AGBL1: variants seen among roughly 807,000 people sequenced by gnomAD.
AGBL1 encodes AGBL carboxypeptidase 1, also known as cytosolic carboxypeptidase 4.
A neutral mutation model predicts 118.9 loss-of-function variants in AGBL1; 130 were observed. The ratio of observed to expected loss-of-function variants is 1.09; its 90% CI spans 0.95 to 1.26. AGBL1 has a LOEUF of 1.26. AGBL1 is among the 50% of genes most tolerant of loss of function. AGBL1 has a pLI of 0.00. For synonymous variants in AGBL1, 555 were observed against 478.9 expected (o/e 1.16, Z -2.08); for missense variants, 1,584 against 1,298.1 (o/e 1.22, Z -3.38).
At chr15:86,754,477 G>A (rs915857983) in intron 22 of AGBL1, among the ~76,000 whole-genome samples, 1 of 152,088 alleles carries the variant, frequency 6.6e-6, no homozygotes, top group Non-Finnish European at 1.5e-5. Flanking sequence ...AGGATTGAGA[G>A]TTGTGCATGG....
intron 18 of AGBL1, among the ~76,000 whole-genome samples, chr15:86,512,279 T>A (rs935492760): frequency 1.1e-4 from 16 of 152,092 alleles, no homozygotes; most frequent in Middle Eastern, 3.4e-3. Context: ...TTATCTGGGT[T>A]TTTTCTAATA....
At chr15:86,366,232 G>C (rs918683722) in intron 17 of AGBL1, among the ~76,000 whole-genome samples, 1 of 152,120 alleles carries the variant, frequency 6.6e-6, no homozygotes, top group Non-Finnish European at 1.5e-5. Context: ...AGGAGTCTGA[G>C]ACAATGGCTG....
intron 18 of AGBL1, among the ~76,000 whole-genome samples, chr15:86,521,061 C>G (rs544574643): frequency 6.6e-6 from 1 of 152,154 alleles, no homozygotes; most frequent in African/African-American, 2.4e-5. Flanking sequence ...GGAACATGCA[C>G]AAGACCTACC....
chr15:86,590,311 T>C (rs2084316465), intron 21 of AGBL1, among the ~76,000 whole-genome samples: 1 of 152,014 alleles, frequency 6.6e-6, no homozygotes, highest in Non-Finnish European at 1.5e-5. Flanking sequence ...CTGTGGGAGG[T>C]AATTGAGTCA....
intron 24 of AGBL1, among the ~76,000 whole-genome samples, chr15:87,002,012 G>A (rs1367301628): frequency 6.6e-6 from 1 of 151,964 alleles, no homozygotes; most frequent in Non-Finnish European, 1.5e-5. Flanking sequence ...TTTGGCTTTG[G>A]TTGCCATTGC....
intron 1 of AGBL1, among the ~76,000 whole-genome samples, chr15:86,103,672 G>A (rs912141610): frequency 1.3e-5 from 2 of 152,202 alleles, no homozygotes; most frequent in African/African-American, 2.4e-5. Context: ...GTTGTTAGTG[G>A]AGGCTGTGGT....
At chr15:86,737,805 C>T (rs910051616) in intron 22 of AGBL1, among the ~76,000 whole-genome samples, 2 of 152,116 alleles carry the variant, frequency 1.3e-5, no homozygotes, top group African/African-American at 4.8e-5. Flanking sequence ...TTGTCAAAAG[C>T]ATTTGGTGTA....
At chr15:86,705,020 A>C (rs958467883) in intron 22 of AGBL1, among the ~76,000 whole-genome samples, 2 of 152,172 alleles carry the variant, frequency 1.3e-5, no homozygotes, top group Non-Finnish European at 2.9e-5. Context: ...TTCTCAGCAA[A>C]CTAACACAGG....
rs1401400044 is a variant in AGBL1, at chr15:86,907,728, G to A, written c.*434G>A. ...CCATATACAAGTGTTATCTTCCAAT[G>A]TTATCTCCCCACCATAGCATTTGAG... On this transcript the variant is annotated 3_prime_UTR_variant, in exon 23 of 23. Transcript: ENST00000614907. The A allele has an allele frequency of 6.6e-6, 1 of 152,156 alleles. No individual in the cohort carries two copies. The highest frequency in any genetic ancestry group is 1.5e-5 in the Non-Finnish European group (1 of 68,034). 9.4% of individuals were successfully genotyped at this position (152,156 alleles called of 1,614,324 possible).
At chr15:86,473,875 T>C (rs1373026543) in intron 18 of AGBL1, among the ~76,000 whole-genome samples, 1 of 152,168 alleles carries the variant, frequency 6.6e-6, no homozygotes, top group Non-Finnish European at 1.5e-5. Context: ...TCCTTGTTTT[T>C]GATAAATTGT....
chr15:86,138,766 A>C (rs2076922364), intron 1 of AGBL1, among the ~76,000 whole-genome samples: 1 of 151,840 alleles, frequency 6.6e-6, no homozygotes, highest in Non-Finnish European at 1.5e-5. Flanking sequence ...TGACTTCAGC[A>C]TTTTAAAATT....
At chr15:86,477,665 T>G (rs955315940) in intron 18 of AGBL1, among the ~76,000 whole-genome samples, 47 of 152,318 alleles carry the variant, frequency 3.1e-4, no homozygotes, top group African/African-American at 1.1e-3. Context: ...AACGAGGAGC[T>G]GGTAACATTC....
chr15:86,323,025 C>G lies in AGBL1; in HGVS notation c.2374+27617C>G, dbSNP rs1019267093. On this transcript the variant is annotated intron_variant, in intron 17 of 22. Coordinates refer to ENST00000614907, the MANE Select transcript of AGBL1 (RefSeq NM_001386094.1). ...CCTGGGATCTGTGGAGTTGTCAAAC[C>G]AAAACTCAAAATCTCTAGGGGTTGG... Among the ~76,000 whole-genome samples, 4 of 152,040 alleles carry G rather than the reference C, an allele frequency of 2.6e-5. No individual in the cohort carries two copies. The East Asian group carries it at 7.7e-4, about 29-fold the overall frequency.
intron 5 of AGBL1, among the ~76,000 whole-genome samples, chr15:86,196,291 G>C (rs1165178965): frequency 2.6e-5 from 4 of 152,136 alleles, no homozygotes; most frequent in Admixed American, 1.3e-4. Context: ...GGCATCACAG[G>C]CTTAGTTTTT....
At chr15:86,228,577 G>A (rs2141941699) in intron 6 of AGBL1, among the ~76,000 whole-genome samples, 1 of 152,302 alleles carries the variant, frequency 6.6e-6, no homozygotes. Context: ...GCCCTATCAA[G>A]TAGTGACAGG....
chr15:86,275,702 C>G (rs1016132203), intron 15 of AGBL1, among the ~76,000 whole-genome samples: 1 of 152,140 alleles, frequency 6.6e-6, no homozygotes, highest in African/African-American at 2.4e-5. Context: ...AAACAAAAAG[C>G]CTTTTAGCTG....
chr15:86,923,761 C>A (rs1343652257), intron 23 of AGBL1, among the ~76,000 whole-genome samples: 2 of 152,162 alleles, frequency 1.3e-5, no homozygotes, highest in Non-Finnish European at 2.9e-5. Context: ...ACAAAATGCT[C>A]CCTATAAAAC....
intron 16 of AGBL1, among the ~76,000 whole-genome samples, chr15:86,291,977 A>G (rs1241908837): frequency 6.6e-6 from 1 of 152,176 alleles, no homozygotes; most frequent in Non-Finnish European, 1.5e-5. Context: ...TAATTCCTTT[A>G]CTTAGTGTTG....
chr15:86,491,970 A>G (rs765952945), intron 18 of AGBL1, among the ~76,000 whole-genome samples: 1 of 152,060 alleles, frequency 6.6e-6, no homozygotes, highest in African/African-American at 2.4e-5. Context: ...CTACACATTC[A>G]TGATTTATCT....
Sources: allele counts gnomAD v4.1 joint callset (sites outside exome capture counted in the v4.1 genomes callset), GRCh38; gene constraint gnomAD v4.1.1; transcripts MANE v1.5; gene names NCBI Gene and HGNC (gene_info 2026-07-23, HGNC 2026-07-21).